The following SDK1 variants were observed in gnomAD, a reference collection of about 807,000 sequenced individuals.
SDK1 encodes the protein sidekick cell adhesion molecule 1.
A neutral mutation model predicts 245.5 loss-of-function variants in SDK1; 157 were observed. The ratio of observed to expected loss-of-function variants is 0.64; its 90% CI spans 0.56 to 0.73. SDK1 has a LOEUF of 0.73. Among genes scored for constraint, SDK1 ranks in the 30% least tolerant of loss-of-function variants. The pLI, the probability that SDK1 is intolerant of heterozygous loss-of-function variation, is 0.00. For synonymous variants in SDK1, 1,647 were observed against 1,278.5 expected (o/e 1.29, Z -6.15); for missense variants, 3,583 against 3,002.3 (o/e 1.19, Z -4.52).
chr7:4,168,974 G>T (rs914761681), intron 32 of SDK1, among the ~76,000 whole-genome samples: 2 of 152,226 alleles, frequency 1.3e-5, no homozygotes, highest in African/African-American at 2.4e-5. Context: ...GGGACCATCT[G>T]GGTGGACCAG....
At chr7:3,709,978 C>T (rs978805544) in intron 4 of SDK1, among the ~76,000 whole-genome samples, 5 of 152,214 alleles carry the variant, frequency 3.3e-5, no homozygotes. Context: ...GCTTTTATAT[C>T]TTTTCATCAT....
At position 3,806,979 on chromosome 7, in the gene SDK1, C is replaced by T. The variant is rs147341755; in HGVS notation, c.714-14471C>T. On this transcript the variant is annotated intron_variant, in intron 4 of 44. Transcript: ENST00000404826. ...TCAATTTACTCAGACTTTCTCAAAA[C>T]GGCCCTTTTTGAGTTATCGATAGCT... is the stretch of plus-strand genomic sequence containing the variant. Among the ~76,000 whole-genome samples, 62 of 152,202 alleles carry T rather than the reference C, an allele frequency of 4.1e-4. No individual in the cohort carries two copies. The East Asian group carries it at 6.6e-3, about 16-fold the overall frequency.
chr7:3,684,193 C>T (rs896021128), intron 4 of SDK1, among the ~76,000 whole-genome samples: 1 of 152,208 alleles, frequency 6.6e-6, no homozygotes, highest in African/African-American at 2.4e-5. Context: ...TAAGCCTCTA[C>T]CCCAACTCAG....
chr7:4,179,589 A>G, intron 35 of SDK1, among the ~76,000 whole-genome samples: 1 of 152,114 alleles, frequency 6.6e-6, no homozygotes, highest in East Asian at 1.9e-4. Context: ...CATCAAGAGC[A>G]TACGGTATTT....
intron 2 of SDK1, among the ~76,000 whole-genome samples, chr7:3,636,655 G>A (rs1175821526): frequency 6.6e-6 from 1 of 152,162 alleles, no homozygotes; most frequent in Non-Finnish European, 1.5e-5. Flanking sequence ...GGATAATGCT[G>A]CAGTAGACGT....
intron 4 of SDK1, among the ~76,000 whole-genome samples, chr7:3,763,383 T>C (rs1192787843): frequency 1.3e-5 from 2 of 152,190 alleles, no homozygotes; most frequent in African/African-American, 4.8e-5. Context: ...CCAAAAGAAT[T>C]GTAAAGTGAA....
chr7:3,841,200 G>C (rs1292063887), intron 5 of SDK1, among the ~76,000 whole-genome samples: 3 of 152,196 alleles, frequency 2.0e-5, no homozygotes, highest in Non-Finnish European at 2.9e-5. Context: ...ACCTACCCAT[G>C]TATCAGGTGA....
intron 14 of SDK1, among the ~76,000 whole-genome samples, chr7:3,991,770 C>T (rs1422247749): frequency 5.9e-5 from 9 of 152,172 alleles, no homozygotes; most frequent in South Asian, 2.1e-4. Flanking sequence ...GAAGGAAGCC[C>T]GTGACCTTGG....
At chr7:3,769,167 C>T (rs10156188) in intron 4 of SDK1, among the ~76,000 whole-genome samples, 3,842 of 152,220 alleles carry the variant, frequency 0.025, 154 homozygotes, top group African/African-American at 0.09. Flanking sequence ...CCTAGTTTCC[C>T]ACAATGGTGA....
intron 1 of SDK1, among the ~76,000 whole-genome samples, chr7:3,484,658 T>C (rs1056505729): frequency 1.3e-5 from 2 of 152,132 alleles, no homozygotes; most frequent in Non-Finnish European, 2.9e-5. Flanking sequence ...CCTCACACTT[T>C]CCTCTCCCCT....
At chr7:4,240,883 G>A (rs1046349024) in intron 42 of SDK1, among the ~76,000 whole-genome samples, 1 of 152,176 alleles carries the variant, frequency 6.6e-6, no homozygotes, top group Non-Finnish European at 1.5e-5. Flanking sequence ...GCCCCAGGGG[G>A]AGAAACCCGT....
intron 5 of SDK1, among the ~76,000 whole-genome samples, chr7:3,905,096 T>C (rs1295853756): frequency 1.3e-5 from 2 of 152,124 alleles, no homozygotes; most frequent in Non-Finnish European, 2.9e-5. Context: ...AATACAATCA[T>C]TTTTAAAGTA....
chr7:3,958,861 T>A, intron 7 of SDK1, 70 bp from the exon 8 acceptor site: 1 of 1,212,014 alleles, frequency 8.3e-7, no homozygotes, highest in Non-Finnish European at 1.2e-6. Context: ...GCCCACACTA[T>A]CTTAGGTTAT....
chr7:3,614,064 A>T (rs913832451), intron 1 of SDK1, among the ~76,000 whole-genome samples: 3 of 152,156 alleles, frequency 2.0e-5, no homozygotes, highest in Non-Finnish European at 4.4e-5. Flanking sequence ...CTGTACAACA[A>T]ACCCCCATAG....
chr7:4,085,872 A>T lies in SDK1; in HGVS notation c.3324+6288A>T, dbSNP rs150122765. ...ACCTAGCTCATTTTACATTTTAAAA[A>T]ATTGGTGGAGGATTTTAAACTAATT... On this transcript the variant is annotated intron_variant, in intron 22 of 44. Transcript: ENST00000404826. 3.4e-3 allele frequency among the ~76,000 whole-genome samples: 515 copies of T among 152,280 alleles called. 2 individuals carry two copies. Among genetic ancestry groups the T allele is most frequent in the South Asian group, 0.031 (150 of 4,824 alleles).
chr7:3,772,942 A>C (rs1780445345), intron 4 of SDK1, among the ~76,000 whole-genome samples: 1 of 152,190 alleles, frequency 6.6e-6, no homozygotes, highest in South Asian at 2.1e-4. Flanking sequence ...GTGATGAATC[A>C]CTGCAGTTTC....
At chr7:3,355,779 C>T (rs1289001388) in intron 1 of SDK1, among the ~76,000 whole-genome samples, 2 of 152,166 alleles carry the variant, frequency 1.3e-5, no homozygotes, top group Non-Finnish European at 2.9e-5. Context: ...AAATTCTTTA[C>T]CCATTTAATC....
At chr7:3,919,555 A>G (rs1583564552) in intron 5 of SDK1, among the ~76,000 whole-genome samples, 1 of 152,134 alleles carries the variant, frequency 6.6e-6, no homozygotes, top group East Asian at 1.9e-4. Context: ...ACTGAAAGAT[A>G]GACAATATCC....
intron 44 of SDK1, among the ~76,000 whole-genome samples, chr7:4,251,200 C>T (rs1787269995): frequency 6.6e-6 from 1 of 152,144 alleles, no homozygotes; most frequent in South Asian, 2.1e-4. Context: ...AGTTGATGAA[C>T]ATTTGAGTTT....
Sources: gnomAD v4.1 joint callset for allele counts (sites outside exome capture counted in the v4.1 genomes callset) on GRCh38, gnomAD v4.1.1 for gene constraint, MANE v1.5 for transcripts, NCBI Gene and HGNC (gene_info 2026-07-23, HGNC 2026-07-21) for gene names.